HCN2: variants seen among roughly 807,000 people sequenced by gnomAD.
HCN2 encodes hyperpolarization activated cyclic nucleotide gated potassium and sodium channel 2.
A neutral mutation model predicts 52.3 loss-of-function variants in HCN2; 20 were observed. The ratio of observed to expected loss-of-function variants is 0.38; its 90% CI spans 0.27 to 0.56. HCN2 has a LOEUF of 0.56. HCN2 is among the 20% of genes least tolerant of loss of function. HCN2 has a pLI of 0.71. For synonymous variants in HCN2, 694 were observed against 537.0 expected (o/e 1.29, Z -4.04); for missense variants, 981 against 1,207.7 (o/e 0.81, Z 2.78).
chr19:601,932 G>C (rs947411968), intron 1 of HCN2, among the ~76,000 whole-genome samples: 3 of 152,046 alleles, frequency 2.0e-5, no homozygotes, highest in African/African-American at 7.3e-5. Context: ...GTGTATCTGG[G>C]AGTGGAAACG....
At position 616,530 on chromosome 19, in the gene HCN2, A is replaced by C; in HGVS notation, c.*56A>C. On this transcript the variant is annotated 3_prime_UTR_variant, in exon 8 of 8. Coordinates refer to ENST00000251287, the MANE Select transcript of HCN2 (RefSeq NM_001194.4). ...GGCCGGGGGCGGGGCCGTCATCCAGACCAAAGCCATGCCATTGCGCTGCCC... is the reference window on the plus strand; with the variant it reads ...GGCCGGGGGCGGGGCCGTCATCCAGCCCAAAGCCATGCCATTGCGCTGCCC... 2 of 1,066,438 alleles carry C rather than the reference A, an allele frequency of 1.9e-6. No individual in the cohort carries two copies. The highest frequency in any genetic ancestry group is 2.3e-6 in the Non-Finnish European group (2 of 852,748). 66.1% of individuals were successfully genotyped at this position (1,066,438 alleles called of 1,614,324 possible).
chr19:611,971 C>T (rs902615129), intron 5 of HCN2, among the ~76,000 whole-genome samples: 7 of 152,144 alleles, frequency 4.6e-5, no homozygotes, highest in Admixed American at 1.3e-4. Context: ...CATGGTGAAG[C>T]CCCGTCTCCA....
chr19:616,086 C>T lies in HCN2; in HGVS notation c.2282C>T (p.Pro761Leu), dbSNP rs1255027061. The T allele has an allele frequency of 3.6e-5, 37 of 1,027,038 alleles. No homozygotes were observed. In the South Asian group the frequency reaches 7.6e-4, roughly 21 times the overall value. The allele number at this position is 1,027,038 out of a possible 1,614,324, so 63.6% of individuals were successfully genotyped here. Residue 761 changes from proline (P) to leucine (L), a missense_variant, in exon 8 of 8, where the codon CCG becomes CTG. Around this residue, in one of 6 missense-constraint regions of HCN2, gnomAD observed 368 missense variants for 314.8 expected, o/e 1.17. Coordinates refer to ENST00000251287, the MANE Select transcript of HCN2 (RefSeq NM_001194.4). Reference protein sequence around the residue: ...ALGSPRLVRRPPPGPAPAAAS... With the variant: ...ALGSPRLVRRLPPGPAPAAAS... ...GGCTCGCCGCGCCTCGTGCGCCGCC[C>T]GCCCCCGGGGCCCGCACCTGCCGCC...
Position 613,234 on chromosome 19 carries a change from C to A in HCN2, c.1585-14C>A. ...GGGGTCCGCAGCGGACCCAGCCCTG[C>A]CTCCCCCCTGCAGGAGATCGTCAAC... On this transcript the variant is annotated splice_polypyrimidine_tract_variant and intron_variant, in intron 5 of 7. Coordinates refer to ENST00000251287, the MANE Select transcript of HCN2 (RefSeq NM_001194.4). 1 of 1,606,130 alleles carries A rather than the reference C, an allele frequency of 6.2e-7. No homozygotes were observed. Among genetic ancestry groups the A allele is most frequent in the Non-Finnish European group, 8.5e-7 (1 of 1,177,002 alleles).
rs1983473749 is a variant in HCN2, at chr19:607,886, G to A, written c.1219-78G>A. ...CACCTCCAGTGCTTGGCAGAGGGTG[G>A]GCGCTGGGCCCTTGAGGACCGAGGG... is the stretch of plus-strand genomic sequence containing the variant. On this transcript the variant is annotated intron_variant, in intron 3 of 7. Transcript: ENST00000251287. 7.4e-6 allele frequency: 8 copies of A among 1,086,454 alleles called. 1 individual carries two copies. The South Asian group carries it at 1.1e-4, about 15-fold the overall frequency. 67.3% of individuals were successfully genotyped at this position (1,086,454 alleles called of 1,614,324 possible). A position where few individuals can be genotyped will look rare whatever the true frequency, so the allele number is the denominator to read the frequency against.
chr19:607,299 G>A (rs999679738), intron 3 of HCN2, among the ~76,000 whole-genome samples: 1 of 152,286 alleles, frequency 6.6e-6, no homozygotes, highest in African/African-American at 2.4e-5. Flanking sequence ...TGGCCAGTGA[G>A]CCTTTGTCCC....
At chr19:603,391 A>C (rs1333700157) in intron 1 of HCN2, among the ~76,000 whole-genome samples, 153 bp from the exon 2 acceptor site, 2 of 141,600 alleles carry the variant, frequency 1.4e-5, no homozygotes, top group East Asian at 2.2e-4. Context: ...TCCCACAGGG[A>C]AGAGGGCCCG....
rs370161441 is a variant in HCN2 at position 605,207 on chromosome 19, C to T, written c.1203C>T (p.Ser401=). 3.4e-5 allele frequency: 54 copies of T among 1,610,618 alleles called. No individual in the cohort carries two copies. The highest frequency in any genetic ancestry group is 2.2e-4 in the Middle Eastern group (1 of 4,522). ...LQDFPRNCWV[S]INGMVNHSWS... ...ACTTCCCGCGCAACTGCTGGGTGTC[C>T]ATCAATGGCATGGTGGTGAGCGCCG... The change falls in exon 3 of 8, where the codon TCC becomes TCT. Residue 401 remains serine, a synonymous_variant. Coordinates refer to ENST00000251287, the MANE Select transcript of HCN2 (RefSeq NM_001194.4).
At chr19:596,799 C>G (rs982351859) in intron 1 of HCN2, among the ~76,000 whole-genome samples, 1 of 152,112 alleles carries the variant, frequency 6.6e-6, no homozygotes, top group Non-Finnish European at 1.5e-5. Flanking sequence ...CAGGTCCCCT[C>G]TCTGGGGTCC....
intron 1 of HCN2, among the ~76,000 whole-genome samples, chr19:599,256 C>T (rs1014532872): frequency 1.3e-5 from 2 of 152,256 alleles, no homozygotes; most frequent in East Asian, 1.9e-4. Context: ...GGTCACCCCG[C>T]AGACGTGGTG....
chr19:594,868 C>T (rs539776205), intron 1 of HCN2, among the ~76,000 whole-genome samples: 15 of 152,224 alleles, frequency 9.9e-5, no homozygotes, highest in East Asian at 5.8e-4. Flanking sequence ...AAGGCCTCCC[C>T]GCTCTCTTCA....
Position 597,444 on chromosome 19 carries a change from G to A in HCN2, c.633-6100G>A, listed in dbSNP as rs115038511. Among the ~76,000 whole-genome samples, 1,490 of 152,312 alleles carry A rather than the reference G, an allele frequency of 9.8e-3. 23 individuals carry two copies. Among genetic ancestry groups the A allele is most frequent in the African/African-American group, 0.035 (1,436 of 41,538 alleles). ...ATGTTATATGGCCGTTTAAAACCAG[G>A]TACCCCTTGGCGGTTTCTAGGTCCT... On this transcript the variant is annotated intron_variant, in intron 1 of 7. Transcript: ENST00000251287.
At chr19:613,687 G>C (rs1382081374) in intron 6 of HCN2, among the ~76,000 whole-genome samples, 165 bp from the exon 7 acceptor site, 2 of 116,454 alleles carry the variant, frequency 1.7e-5, no homozygotes, top group African/African-American at 3.5e-5. Flanking sequence ...GGCCGGGGAT[G>C]GGGCCGGGGA....
chr19:614,159 C>T (rs1477777948), intron 7 of HCN2, 143 bp downstream of exon 7: 6 of 600,660 alleles, frequency 1.0e-5, no homozygotes, highest in South Asian at 2.8e-5. Context: ...GAGACGTGGC[C>T]AAGGCATCAG....
chr19:615,876 T>A lies in HCN2; in HGVS notation c.2072T>A (p.Ile691Asn). Residue 691 changes from isoleucine to asparagine, a missense_variant, in exon 8 of 8, where the codon ATC becomes AAC. Physicochemically the swap from Ile to Asn is moderately radical, Grantham distance 149. This residue lies in a region of HCN2 where 368 missense variants were observed against 314.8 expected (regional missense o/e 1.17). Coordinates refer to ENST00000251287, the MANE Select transcript of HCN2 (RefSeq NM_001194.4). ...GVFNNQENAI[I>N]QEIVKYDREM... ...TTCAACAACCAGGAGAACGCCATCATCCAGGAGATCGTCAAGTACGACCGC... is the reference window on the plus strand; with the variant it reads ...TTCAACAACCAGGAGAACGCCATCAACCAGGAGATCGTCAAGTACGACCGC... 6.2e-7 allele frequency: 1 copy of A among 1,612,976 alleles called. No individual in the cohort carries two copies. Among genetic ancestry groups the A allele is most frequent in the Non-Finnish European group, 8.5e-7 (1 of 1,179,868 alleles).
intron 4 of HCN2, 60 bp from the exon 5 acceptor site, chr19:610,199 C>T: frequency 6.4e-7 from 1 of 1,553,200 alleles, no homozygotes; most frequent in Admixed American, 1.7e-5. Flanking sequence ...CAAGCAGGTG[C>T]CCCTGTGCCC....
intron 1 of HCN2, among the ~76,000 whole-genome samples, chr19:599,456 G>A (rs1983131902): frequency 1.3e-5 from 2 of 152,266 alleles, no homozygotes; most frequent in Admixed American, 6.5e-5. Context: ...GGCCATGATA[G>A]GGAGGGGCTG....
Position 613,431 on chromosome 19 carries a change from A to G in HCN2, c.1768A>G (p.Ser590Gly), listed in dbSNP as rs749393338. The change falls in exon 6 of 8, where the codon AGC (serine) becomes GGC (glycine). Residue 590 changes from serine (S) to glycine (G), a missense_variant. Coordinates refer to ENST00000251287, the MANE Select transcript of HCN2 (RefSeq NM_001194.4). ...KMYFIQHGVV[S>G]VLTKGNKEMK... ...GTACTTCATCCAGCACGGCGTGGTC[A>G]GCGTGCTCACTAAGGGCAACAAGGA... 15 of 1,609,034 alleles carry G rather than the reference A, an allele frequency of 9.3e-6. No individual in the cohort carries two copies. The highest frequency in any genetic ancestry group is 9.3e-6 in the Non-Finnish European group (11 of 1,178,196).
intron 4 of HCN2, among the ~76,000 whole-genome samples, chr19:609,138 G>A (rs972084609): frequency 3.3e-5 from 5 of 152,196 alleles, no homozygotes; most frequent in African/African-American, 9.7e-5. Flanking sequence ...GGAAGCCACG[G>A]GCCTCACACC....
Sources: allele counts gnomAD v4.1 joint callset (sites outside exome capture counted in the v4.1 genomes callset), GRCh38; gene constraint gnomAD v4.1.1; regional missense constraint gnomAD v4.1.1; transcripts MANE v1.5; gene names NCBI Gene and HGNC (gene_info 2026-07-23, HGNC 2026-07-21).